The following SHANK2 variants were observed in gnomAD, a reference collection of about 807,000 sequenced individuals.
The protein encoded by SHANK2 is SH3 and multiple ankyrin repeat domains 2, also known as SH3 and multiple ankyrin repeat domains protein 2.
SHANK2 carries 43 observed loss-of-function variants against 133.7 expected under a neutral mutation model. The ratio of observed to expected loss-of-function variants is 0.32; its 90% CI spans 0.25 to 0.41. SHANK2 has a LOEUF of 0.41. SHANK2 is among the 10% of genes least tolerant of loss of function. The probability of loss-of-function intolerance (pLI) is 1.00; values close to 1 mark genes in which losing one functional copy is unlikely to be tolerated. For missense variants in SHANK2, 1,994 were observed against 2,235.8 expected (o/e 0.89, Z 2.18); for synonymous variants, 1,017 against 952.8 (o/e 1.07, Z -1.24).
chr11:71,233,910 G>A (rs1021190118), intron 1 of SHANK2, among the ~76,000 whole-genome samples: 1 of 151,694 alleles, frequency 6.6e-6, no homozygotes, highest in Non-Finnish European at 1.5e-5. Flanking sequence ...AACTGGGCGT[G>A]GTGGTGCACG....
At chr11:70,586,267 A>G (rs1468748856) in intron 17 of SHANK2, among the ~76,000 whole-genome samples, 1 of 152,168 alleles carries the variant, frequency 6.6e-6, no homozygotes, top group Admixed American at 6.5e-5. Flanking sequence ...TGAGGTGGGC[A>G]GTGGGGGCAG....
chr11:70,602,364 G>A (rs1298321648), intron 17 of SHANK2, among the ~76,000 whole-genome samples: 4 of 152,236 alleles, frequency 2.6e-5, no homozygotes, highest in Admixed American at 6.5e-5. Context: ...CGGCCTCCAC[G>A]TGGTAGAGCT....
intron 14 of SHANK2, among the ~76,000 whole-genome samples, chr11:70,734,098 G>A (rs1946346979): frequency 6.6e-6 from 1 of 152,132 alleles, no homozygotes; most frequent in Admixed American, 6.5e-5. Flanking sequence ...GAGGGGGCAG[G>A]AGGCACCCCC....
chr11:70,667,742 G>A (rs1428134643), intron 15 of SHANK2: 1 of 152,252 alleles, frequency 6.6e-6, no homozygotes, highest in African/African-American at 2.4e-5. Context: ...GGCCTGAGCT[G>A]GCCCAGACGT....
At chr11:71,148,683 C>A (rs1185104948) in intron 2 of SHANK2, among the ~76,000 whole-genome samples, 1 of 152,174 alleles carries the variant, frequency 6.6e-6, no homozygotes, top group Non-Finnish European at 1.5e-5. Flanking sequence ...GTTTAGGGAC[C>A]CCTTGATCAA....
chr11:70,622,314 C>T (rs1173674857), intron 17 of SHANK2, among the ~76,000 whole-genome samples: 1 of 152,176 alleles, frequency 6.6e-6, no homozygotes, highest in Non-Finnish European at 1.5e-5. Flanking sequence ...CAACTCATGT[C>T]AACCCCCGCC....
At chr11:70,891,412 G>A (rs931364274) in intron 11 of SHANK2, among the ~76,000 whole-genome samples, 1 of 152,140 alleles carries the variant, frequency 6.6e-6, no homozygotes, top group Admixed American at 6.5e-5. Context: ...TGAGGCAAGA[G>A]AATGGCGTGA....
chr11:70,894,593 G>A (rs1949905683), intron 11 of SHANK2, among the ~76,000 whole-genome samples: 1 of 152,172 alleles, frequency 6.6e-6, no homozygotes, highest in South Asian at 2.1e-4. Flanking sequence ...AGGGGTAGCA[G>A]CCCCAATATC....
chr11:70,867,450 G>A (rs1405503314), intron 11 of SHANK2, among the ~76,000 whole-genome samples: 1 of 152,216 alleles, frequency 6.6e-6, no homozygotes, highest in Non-Finnish European at 1.5e-5. Flanking sequence ...AAACAGCTAT[G>A]TCCACTGCTG....
intron 17 of SHANK2, among the ~76,000 whole-genome samples, chr11:70,636,386 T>G (rs546455913): frequency 4.8e-5 from 6 of 123,946 alleles, no homozygotes; most frequent in Admixed American, 4.7e-4. Context: ...TGAGTCTGTG[T>G]GTATGAGTGT....
rs945571511 is a variant in SHANK2 at position 70,643,248 on chromosome 11, T to G, written c.2061+16580A>C. On this transcript the variant is annotated intron_variant, in intron 17 of 25. Coordinates refer to ENST00000601538, the MANE Select transcript of SHANK2 (RefSeq NM_012309.5). The stretch of plus-strand genomic sequence containing the variant: ...GAAAATGTGGAGTACAGAGAATACA[T>G]ATAATATTTTTGCATGCTTTTTTAA... Among the ~76,000 whole-genome samples the G allele has an allele frequency of 1.6e-4, 25 of 152,166 alleles. 1 individual carries two copies. The highest frequency in any genetic ancestry group is 5.1e-4 in the African/African-American group (21 of 41,432).
At chr11:71,159,990 A>G (rs1952980929) in intron 2 of SHANK2, among the ~76,000 whole-genome samples, 1 of 150,514 alleles carries the variant, frequency 6.6e-6, no homozygotes, top group African/African-American at 2.5e-5. Flanking sequence ...AAAAAAAAAA[A>G]GACACCTGAA....
intron 14 of SHANK2, among the ~76,000 whole-genome samples, chr11:70,781,558 T>TTATATATATATATATA (rs1273792106): frequency 0.056 from 1,606 of 28,908 alleles, 266 homozygotes; most frequent in East Asian, 0.087. Context: ...TACTTACTTA[T>TTATATATATATATATA]TATATATATA....
In SHANK2 at chr11:70,487,047, G is replaced by C. The variant is rs782033757; in HGVS notation, c.3246C>G (p.Ile1082Met). 20 of 1,608,660 alleles carry C rather than the reference G, an allele frequency of 1.2e-5. No individual in the cohort carries two copies. Among genetic ancestry groups the C allele is most frequent in the Non-Finnish European group, 1.7e-5 (20 of 1,179,650 alleles). ...LTVSSPFAAA[I>M]AGAVRDREKR... ...TCTCACGGTCGCGGACGGCTCCGGC[G>C]ATGGCGGCGGCAAAGGGGCTGCTGA... is the stretch of plus-strand genomic sequence containing the variant. The change falls in exon 25 of 26, where the codon ATC (isoleucine) becomes ATG (methionine). Residue 1082 changes from isoleucine to methionine, a missense_variant. This residue lies in a region of SHANK2 where 488 missense variants were observed against 642.6 expected (regional missense o/e 0.76). Transcript: ENST00000601538. This position sits in a 1 kb window ranked among gnomAD's most constrained non-coding sequence, Gnocchi z 5.8.
intron 17 of SHANK2, among the ~76,000 whole-genome samples, chr11:70,622,000 G>C (rs2060835589): frequency 6.6e-6 from 1 of 152,288 alleles, no homozygotes; most frequent in Non-Finnish European, 1.5e-5. Flanking sequence ...GGTGCCGGGA[G>C]GTTCTGGAGC....
intron 14 of SHANK2, among the ~76,000 whole-genome samples, chr11:70,759,481 C>T (rs1268139373): frequency 1.3e-5 from 2 of 152,090 alleles, no homozygotes; most frequent in South Asian, 2.1e-4. Context: ...GACTCCATCT[C>T]AAAAACAAAA....
intron 1 of SHANK2, among the ~76,000 whole-genome samples, chr11:71,244,303 G>A (rs1954932356): frequency 1.3e-5 from 2 of 152,244 alleles, no homozygotes; most frequent in Non-Finnish European, 2.9e-5. Context: ...GTGGCTGTCT[G>A]AAGCCCCTGA....
chr11:70,802,228 T>A (rs1948061701), intron 13 of SHANK2, among the ~76,000 whole-genome samples: 1 of 152,144 alleles, frequency 6.6e-6, no homozygotes, highest in African/African-American at 2.4e-5. Context: ...GAAAACCAAC[T>A]GCGGATCTCT....
chr11:70,649,207 T>C (rs1392339208), intron 17 of SHANK2, among the ~76,000 whole-genome samples: 3 of 152,192 alleles, frequency 2.0e-5, no homozygotes, highest in Non-Finnish European at 4.4e-5. Flanking sequence ...GGACCGTCCC[T>C]GTCTATCTCC....
Sources: allele counts gnomAD v4.1 joint callset (sites outside exome capture counted in the v4.1 genomes callset), GRCh38; gene constraint gnomAD v4.1.1; regional missense constraint gnomAD v4.1.1; non-coding constraint Gnocchi (gnomAD v3.1); transcripts MANE v1.5; gene names NCBI Gene and HGNC (gene_info 2026-07-23, HGNC 2026-07-21).